Variants in SPAG9 observed in about 807,000 individuals in gnomAD.
SPAG9 encodes C-Jun-amino-terminal kinase-interacting protein 4.
A neutral mutation model predicts 166.5 loss-of-function variants in SPAG9; 35 were observed. The observed-to-expected ratio is 0.21, with a 90% CI of 0.16 to 0.28. The LOEUF is 0.28. Among genes scored for constraint, SPAG9 ranks in the 10% least tolerant of loss-of-function variants. The probability of loss-of-function intolerance (pLI) is 1.00; values close to 1 mark genes in which losing one functional copy is unlikely to be tolerated. For synonymous variants in SPAG9, 534 were observed against 565.5 expected, an observed-to-expected ratio of 0.94 and a Z score of 0.79; for missense variants, 1,235 against 1,603.3, an observed-to-expected ratio of 0.77 and a Z score of 3.92.
intron 26 of SPAG9, among the ~76,000 whole-genome samples, chr17:50,979,349 G>A (rs998590656): frequency 7.5e-5 from 11 of 146,854 alleles, no homozygotes; most frequent in African/African-American, 2.5e-4. Flanking sequence ...TCCAGCCTAG[G>A]TGACAGAGTG....
chr17:51,047,517 G>T, intron 3 of SPAG9, 48 bp from the exon 4 acceptor site: 2 of 866,086 alleles, frequency 2.3e-6, no homozygotes, highest in Non-Finnish European at 1.8e-6. Flanking sequence ...CTAATACCTG[G>T]AATAAAATCA....
At chr17:50,999,626 T>C in intron 14 of SPAG9, 35 bp downstream of exon 14, 3 of 1,565,400 alleles carry the variant, frequency 1.9e-6, no homozygotes, top group Non-Finnish European at 2.6e-6. Flanking sequence ...TCTTGTCTCA[T>C]GTGCTGTCTA....
rs541170948 is a variant in SPAG9, at chr17:50,964,630, T to C, written c.*1642A>G. ...TCATATTTAGCTTTGCCTAGAGTAA[T>C]AGATAAAAAAGGGTAAATCACACAT... On this transcript the variant is annotated 3_prime_UTR_variant, in exon 30 of 30. Coordinates refer to ENST00000262013, the MANE Select transcript of SPAG9 (RefSeq NM_001130528.3). The C allele has an allele frequency of 3.6e-5, 12 of 330,230 alleles. No individual in the cohort carries two copies. In the East Asian group the frequency reaches 1.1e-3, roughly 31 times the overall value. 20.5% of individuals were successfully genotyped at this position (330,230 alleles called of 1,614,324 possible). A position where few individuals can be genotyped will look rare whatever the true frequency, so the allele number is the denominator to read the frequency against.
At chr17:51,110,518 C>T (rs2049077340) in intron 1 of SPAG9, among the ~76,000 whole-genome samples, 1 of 151,426 alleles carries the variant, frequency 6.6e-6, no homozygotes, top group African/African-American at 2.4e-5. Context: ...TGGTGAAACC[C>T]GTCTTTACAA....
In SPAG9 at chr17:50,982,785, A is replaced by G. The variant is rs1021776298; in HGVS notation, c.3089-113T>C. ...AATTTATTGAGGAAGCACTCAAAGTACCATGTACTAAGTATATCTTTTATT... is the reference window on the plus strand; with the variant it reads ...AATTTATTGAGGAAGCACTCAAAGTGCCATGTACTAAGTATATCTTTTATT... On this transcript the variant is annotated intron_variant, in intron 24 of 29. Transcript: ENST00000262013. 9 of 932,528 alleles carry G rather than the reference A, an allele frequency of 9.7e-6. No individual in the cohort carries two copies. The African/African-American group carries it at 1.0e-4, about 10-fold the overall frequency. 57.8% of individuals were successfully genotyped at this position (932,528 alleles called of 1,614,324 possible).
At position 51,049,325 on chromosome 17, in the gene SPAG9, C is replaced by T. The variant is rs143043485; in HGVS notation, c.496-1856G>A. Among the ~76,000 whole-genome samples, 1,335 of 151,786 alleles carry T rather than the reference C, an allele frequency of 8.8e-3. 16 individuals carry two copies. Among genetic ancestry groups the T allele is most frequent in the African/African-American group, 0.031 (1,296 of 41,368 alleles). On this transcript the variant is annotated intron_variant, in intron 3 of 29. Coordinates refer to ENST00000262013, the MANE Select transcript of SPAG9 (RefSeq NM_001130528.3). ...AAGGCTGCTGTGAGCTATGATCATGCCACTGCACTCCAGCCTGGGCAACAG... is the reference window on the plus strand; with the variant it reads ...AAGGCTGCTGTGAGCTATGATCATGTCACTGCACTCCAGCCTGGGCAACAG...
intron 15 of SPAG9, 43 bp from the exon 16 acceptor site, chr17:50,996,737 A>G: frequency 6.3e-7 from 1 of 1,599,930 alleles, no homozygotes; most frequent in African/African-American, 1.3e-5. Context: ...AATACGTTTA[A>G]TTACGTTTAT....
intron 1 of SPAG9, chr17:51,085,239 T>G (rs1568073172): frequency 6.6e-6 from 1 of 152,222 alleles, no homozygotes; most frequent in Middle Eastern, 3.2e-3. Flanking sequence ...GCTACTAAAC[T>G]GCTACCAAAA....
intron 6 of SPAG9, among the ~76,000 whole-genome samples, chr17:51,025,838 G>A (rs536978178): frequency 7.9e-5 from 12 of 152,288 alleles, no homozygotes; most frequent in African/African-American, 2.9e-4. Flanking sequence ...GCTGCAGTGA[G>A]CTCAGATTGC....
chr17:50,973,065 T>C (rs1451731829), intron 28 of SPAG9, among the ~76,000 whole-genome samples: 1 of 152,210 alleles, frequency 6.6e-6, no homozygotes, highest in African/African-American at 2.4e-5. Flanking sequence ...AGCACTTTTA[T>C]TCAGTTATAA....
At chr17:50,975,780 AG>A in intron 27 of SPAG9, 1 of 992,364 alleles carries the variant, frequency 1.0e-6, no homozygotes, top group Non-Finnish European at 1.5e-6. Flanking sequence ...AACATTCAAG[AG>A]GGTATTCTAG....
At chr17:51,106,913 C>T (rs1450990472) in intron 1 of SPAG9, among the ~76,000 whole-genome samples, 1 of 151,458 alleles carries the variant, frequency 6.6e-6, no homozygotes, top group African/African-American at 2.4e-5. Context: ...ACCAGCCTGG[C>T]TAATATGGTG....
intron 15 of SPAG9, among the ~76,000 whole-genome samples, chr17:50,997,962 T>A (rs2044749881): frequency 6.6e-6 from 1 of 151,518 alleles, no homozygotes; most frequent in Non-Finnish European, 1.5e-5. Context: ...TGAAAAGCAA[T>A]TTTCATAAAA....
chr17:50,981,437 G>C (rs1257591341), intron 25 of SPAG9, among the ~76,000 whole-genome samples: 2 of 151,774 alleles, frequency 1.3e-5, no homozygotes, highest in Non-Finnish European at 2.9e-5. Flanking sequence ...TGGATAGACA[G>C]CCAGATAGCT....
intron 1 of SPAG9, among the ~76,000 whole-genome samples, chr17:51,118,806 G>C (rs2049377663): frequency 6.6e-6 from 1 of 152,176 alleles, no homozygotes; most frequent in African/African-American, 2.4e-5. Flanking sequence ...GGGATGGTCA[G>C]CCCGAGGCCA....
In SPAG9 at chr17:50,986,289, A is replaced by G. The variant is rs113496329; in HGVS notation, c.2940-511T>C. Among the ~76,000 whole-genome samples, 846 of 152,344 alleles carry G rather than the reference A, an allele frequency of 5.6e-3. 5 individuals carry two copies. The highest frequency in any genetic ancestry group is 0.019 in the African/African-American group (781 of 41,582). Reference sequence around the variant, plus strand: ...GGGAGATTTATATGAAATTCAAACTACAATGCCCATAATGCTCTACTGGAA... The same window carrying G: ...GGGAGATTTATATGAAATTCAAACTGCAATGCCCATAATGCTCTACTGGAA... On this transcript the variant is annotated intron_variant, in intron 22 of 29. Transcript: ENST00000262013.
intron 2 of SPAG9, among the ~76,000 whole-genome samples, chr17:51,074,186 A>T (rs1292210694): frequency 6.6e-6 from 1 of 150,652 alleles, no homozygotes; most frequent in Admixed American, 6.6e-5. Flanking sequence ...CAGTGAGCCG[A>T]GATCACACCA....
intron 13 of SPAG9, 75 bp downstream of exon 13, chr17:51,001,640 T>G: frequency 6.9e-7 from 1 of 1,445,092 alleles, no homozygotes; most frequent in South Asian, 1.3e-5. Flanking sequence ...AGGGCAGGAC[T>G]TAAGTTCCAC....
intron 5 of SPAG9, among the ~76,000 whole-genome samples, chr17:51,036,677 A>G (rs1212500478): frequency 6.6e-6 from 1 of 151,990 alleles, no homozygotes; most frequent in Non-Finnish European, 1.5e-5. Flanking sequence ...CCTGGCTGCC[A>G]TCCTGCAGGG....
Sources: allele counts gnomAD v4.1 joint callset (sites outside exome capture counted in the v4.1 genomes callset), GRCh38; gene constraint gnomAD v4.1.1; transcripts MANE v1.5; gene names NCBI Gene and HGNC (gene_info 2026-07-23, HGNC 2026-07-21).